GRK3: variants seen among roughly 807,000 people sequenced by gnomAD.
GRK3 encodes adrenergic, beta, receptor kinase 2.
Under a neutral mutation model 95.7 loss-of-function variants are expected in GRK3, and 54 were observed. That is an observed-to-expected ratio of 0.56 (90% confidence interval 0.45 to 0.71). The LOEUF is 0.71. Among genes scored for constraint, GRK3 ranks in the 30% least tolerant of loss-of-function variants. GRK3 has a pLI of 0.00. For missense variants in GRK3, 649 were observed against 851.2 expected (o/e 0.76, Z 2.96); for synonymous variants, 281 against 290.8 (o/e 0.97, Z 0.34).
chr22:25,688,048 AAC>A (rs1317659370), intron 11 of GRK3, among the ~76,000 whole-genome samples: 2 of 152,146 alleles, frequency 1.3e-5, no homozygotes, highest in African/African-American at 4.8e-5. Context: ...CATCCTGGCT[AAC>A]ACAGTGAAAC....
Position 25,584,837 on chromosome 22 carries a change from G to A in GRK3, c.114-19540G>A, listed in dbSNP as rs147324119. Among the ~76,000 whole-genome samples, 393 of 152,336 alleles carry A rather than the reference G, an allele frequency of 2.6e-3. No homozygotes were observed. In the East Asian group the frequency reaches 0.031, roughly 12 times the overall value. On this transcript the variant is annotated intron_variant, in intron 1 of 20. Transcript: ENST00000324198. ...TTAGATACAGGGAAACCCTGTGCCC[G>A]GTCACTTGAATGGAAAGGCCGTCTT...
chr22:25,596,852 A>G (rs2084375612), intron 1 of GRK3, among the ~76,000 whole-genome samples: 2 of 152,130 alleles, frequency 1.3e-5, no homozygotes, highest in African/African-American at 4.8e-5. Context: ...GGCCTTCTTT[A>G]TTTTGTAGGC....
At position 25,721,317 on chromosome 22, in the gene GRK3, G is replaced by A; in HGVS notation, c.1825G>A (p.Val609Met). 1 of 1,601,840 alleles carries A rather than the reference G, an allele frequency of 6.2e-7. No homozygotes were observed. The highest frequency in any genetic ancestry group is 8.5e-7 in the Non-Finnish European group (1 of 1,173,498). Reference protein sequence around the residue: ...NLLTMEQILSVEETQIKDKKC... With the variant: ...NLLTMEQILSMEETQIKDKKC... Reference sequence around the variant, plus strand: ...ACTGACAATGGAACAGATTCTCTCTGTGGAAGAAACTCAAATTAAAGACAA... The same window carrying A: ...ACTGACAATGGAACAGATTCTCTCTATGGAAGAAACTCAAATTAAAGACAA... Residue 609 changes from valine to methionine, a missense_variant, in exon 20 of 21, where the codon GTG becomes ATG. By Grantham distance (21) the Val-to-Met change is conservative (BLOSUM62 1). This residue lies in a region of GRK3 where 382 missense variants were observed against 493.8 expected (regional missense o/e 0.77). Transcript: ENST00000324198.
intron 10 of GRK3, among the ~76,000 whole-genome samples, chr22:25,686,152 G>A (rs2085111895): frequency 6.6e-6 from 1 of 151,518 alleles, no homozygotes; most frequent in Non-Finnish European, 1.5e-5. Context: ...AACTCAGGAG[G>A]CGGAGCTTGC....
At position 25,607,098 on chromosome 22, in the gene GRK3, G is replaced by GTA. The variant is rs746302354; in HGVS notation, c.190+2657_190+2658dup. On this transcript the variant is annotated intron_variant, in intron 2 of 20. Transcript: ENST00000324198. ...TATGTATGTGTTTGTGTGTGTGTGT[G>GTA]TATATATATATATTTACATCACCTA... is the stretch of plus-strand genomic sequence containing the variant. Among the ~76,000 whole-genome samples the GTA allele has an allele frequency of 3.5e-3, 528 of 151,506 alleles. 4 individuals are homozygous for GTA. Among genetic ancestry groups the GTA allele is most frequent in the Non-Finnish European group, 5.2e-3 (353 of 67,830 alleles).
Position 25,725,521 on chromosome 22 carries a change from C to G in GRK3, c.*3071C>G, listed in dbSNP as rs1224955645. The G allele has an allele frequency of 1.8e-5, 7 of 398,566 alleles. No individual in the cohort carries two copies. In the East Asian group the frequency reaches 2.5e-4, roughly 14 times the overall value. The allele number at this position is 398,566 out of a possible 1,614,324, so 24.7% of individuals were successfully genotyped here. A position where few individuals can be genotyped will look rare whatever the true frequency, so the allele number is the denominator to read the frequency against. On this transcript the variant is annotated 3_prime_UTR_variant, in exon 21 of 21. Transcript: ENST00000324198. ...TCATGGGGGCTCATTGGTTTTCCTT[C>G]TTTGTCATATTTAAGTATGATTTTT...
intron 15 of GRK3, among the ~76,000 whole-genome samples, chr22:25,707,002 T>A (rs866682220): frequency 2.0e-5 from 3 of 151,812 alleles, no homozygotes; most frequent in Non-Finnish European, 2.9e-5. Flanking sequence ...TTTTTTTTTT[T>A]ATAGAGAAGG....
chr22:25,649,381 C>T, intron 3 of GRK3: 1 of 576,554 alleles, frequency 1.7e-6, no homozygotes, highest in Non-Finnish European at 3.1e-6. Flanking sequence ...TCCACAAAAC[C>T]ACTTTTTTTT....
intron 2 of GRK3, among the ~76,000 whole-genome samples, chr22:25,636,167 T>A (rs1818871306): frequency 6.6e-6 from 1 of 152,196 alleles, no homozygotes. Context: ...TGCCCTAGAA[T>A]CAATCAGCCT....
chr22:25,607,009 T>C (rs2084454769), intron 2 of GRK3, among the ~76,000 whole-genome samples: 1 of 152,208 alleles, frequency 6.6e-6, no homozygotes, highest in African/African-American at 2.4e-5. Context: ...AAGCAAATTG[T>C]TTATGTTAAA....
intron 13 of GRK3, among the ~76,000 whole-genome samples, chr22:25,699,366 T>C (rs1394913218): frequency 1.3e-5 from 2 of 152,126 alleles, no homozygotes; most frequent in Admixed American, 6.5e-5. Context: ...CAGTCCCCTC[T>C]GCATCCTGAC....
chr22:25,606,022 AACAT>A (rs1664083993), intron 2 of GRK3, among the ~76,000 whole-genome samples: 1 of 151,974 alleles, frequency 6.6e-6, no homozygotes, highest in African/African-American at 2.4e-5. Flanking sequence ...AGTCCCCGCA[AACAT>A]ACATACAGCC....
chr22:25,647,274 A>T, intron 3 of GRK3: 1 of 1,054,794 alleles, frequency 9.5e-7, no homozygotes, highest in Non-Finnish European at 1.4e-6. Context: ...GGGCTGCATT[A>T]AAAGCAAAGA....
chr22:25,628,060 T>G (rs547860105), intron 2 of GRK3, among the ~76,000 whole-genome samples: 1 of 152,192 alleles, frequency 6.6e-6, no homozygotes, highest in Non-Finnish European at 1.5e-5. Flanking sequence ...GACAGGTCAT[T>G]AAAACGGGGA....
intron 8 of GRK3, 115 bp from the exon 9 acceptor site, chr22:25,678,701 G>T (rs1050305646): frequency 3.7e-6 from 2 of 537,902 alleles, no homozygotes; most frequent in Non-Finnish European, 3.2e-6. Flanking sequence ...GTATTACTCT[G>T]CTTCTTTTAA....
chr22:25,673,409 G>A (rs1280016556), intron 7 of GRK3, among the ~76,000 whole-genome samples: 1 of 151,628 alleles, frequency 6.6e-6, no homozygotes, highest in Non-Finnish European at 1.5e-5. Flanking sequence ...AAAAGGCCAA[G>A]AAATGATCTA....
intron 3 of GRK3, among the ~76,000 whole-genome samples, chr22:25,645,694 G>T (rs1033612121): frequency 6.6e-6 from 1 of 152,056 alleles, no homozygotes; most frequent in South Asian, 2.1e-4. Context: ...AGGCCGAGGC[G>T]GGTGGATCAC....
At chr22:25,576,030 A>T (rs1931878021) in intron 1 of GRK3, among the ~76,000 whole-genome samples, 1 of 152,196 alleles carries the variant, frequency 6.6e-6, no homozygotes, top group Non-Finnish European at 1.5e-5. Context: ...AATCCTACTA[A>T]GTGAGAGCCT....
intron 2 of GRK3, among the ~76,000 whole-genome samples, chr22:25,630,212 C>T (rs977178087): frequency 1.3e-5 from 2 of 152,146 alleles, no homozygotes; most frequent in Non-Finnish European, 2.9e-5. Flanking sequence ...ACTCAGCATG[C>T]TTACAACCTC....
Sources: gnomAD v4.1 joint callset for allele counts (sites outside exome capture counted in the v4.1 genomes callset) on GRCh38, gnomAD v4.1.1 for gene constraint, gnomAD v4.1.1 regional missense constraint, MANE v1.5 for transcripts, NCBI Gene and HGNC (gene_info 2026-07-23, HGNC 2026-07-21) for gene names.